CTNND2: variants seen among roughly 807,000 people sequenced by gnomAD.
CTNND2 encodes catenin delta-2.
A neutral mutation model predicts 144.4 loss-of-function variants in CTNND2; 22 were observed. The ratio of observed to expected loss-of-function variants is 0.15; its 90% CI spans 0.11 to 0.22. CTNND2 has a LOEUF of 0.22. CTNND2 is among the 10% of genes least tolerant of loss of function. The pLI, the probability that CTNND2 is intolerant of heterozygous loss-of-function variation, is 1.00. For missense variants in CTNND2, 1,353 were observed against 1,618.8 expected (o/e 0.84, Z 2.82); for synonymous variants, 751 against 695.6 (o/e 1.08, Z -1.25).
intron 21 of CTNND2, among the ~76,000 whole-genome samples, chr5:10,978,497 G>GC (rs1408162252): frequency 7.5e-6 from 1 of 133,836 alleles, no homozygotes; most frequent in Non-Finnish European, 1.6e-5. Context: ...ATACTTTTTG[G>GC]GGAGGGGGGG....
chr5:11,197,190 C>A (rs1314065496), intron 11 of CTNND2, among the ~76,000 whole-genome samples: 1 of 152,190 alleles, frequency 6.6e-6, no homozygotes, highest in Non-Finnish European at 1.5e-5. Context: ...TCCATGATGG[C>A]AACTTCAGAA....
At chr5:11,653,561 T>C (rs1223741565) in intron 2 of CTNND2, among the ~76,000 whole-genome samples, 1 of 152,168 alleles carries the variant, frequency 6.6e-6, no homozygotes, top group Non-Finnish European at 1.5e-5. Flanking sequence ...GCAGTTACTT[T>C]GGTCATTTTT....
intron 11 of CTNND2, among the ~76,000 whole-genome samples, chr5:11,178,716 G>A (rs1437010180): frequency 6.6e-6 from 1 of 152,140 alleles, no homozygotes; most frequent in African/African-American, 2.4e-5. Context: ...GAAATTTATG[G>A]TATATAAATG....
At chr5:11,165,064 TGTAA>T (rs1276887589) in intron 11 of CTNND2, among the ~76,000 whole-genome samples, 1 of 152,226 alleles carries the variant, frequency 6.6e-6, no homozygotes, top group Non-Finnish European at 1.5e-5. Flanking sequence ...TCGAAACTTC[TGTAA>T]GTATTATAGC....
intron 6 of CTNND2, among the ~76,000 whole-genome samples, chr5:11,389,991 T>G (rs1430153715): frequency 6.6e-6 from 1 of 152,220 alleles, no homozygotes; most frequent in African/African-American, 2.4e-5. Context: ...GAAATCTCAT[T>G]ATGGATACGC....
At chr5:11,012,846 G>T (rs1181888369) in intron 18 of CTNND2, among the ~76,000 whole-genome samples, 2 of 152,180 alleles carry the variant, frequency 1.3e-5, no homozygotes, top group African/African-American at 2.4e-5. Context: ...CTTCAAACAA[G>T]CTTGGAGGAA....
intron 1 of CTNND2, among the ~76,000 whole-genome samples, chr5:11,766,567 C>T (rs144884654): frequency 2.0e-5 from 3 of 152,344 alleles, no homozygotes; most frequent in African/African-American, 7.2e-5. Flanking sequence ...GCTTCCCCGG[C>T]CACATAGAAC....
chr5:11,236,659 A>C, intron 10 of CTNND2, 32 bp downstream of exon 10: 1 of 1,611,642 alleles, frequency 6.2e-7, no homozygotes, highest in Non-Finnish European at 8.5e-7. Context: ...TGAATCTGAC[A>C]CCAATCATTT....
intron 1 of CTNND2, among the ~76,000 whole-genome samples, chr5:11,879,616 T>C (rs1287992836): frequency 6.6e-6 from 1 of 152,056 alleles, no homozygotes; most frequent in Non-Finnish European, 1.5e-5. Context: ...GCTTTTGACA[T>C]TCTTTTTCTC....
At chr5:11,057,712 T>C (rs1031005410) in intron 16 of CTNND2, among the ~76,000 whole-genome samples, 1 of 152,008 alleles carries the variant, frequency 6.6e-6, no homozygotes, top group African/African-American at 2.4e-5. Flanking sequence ...CAAGTAGAGG[T>C]TGGAACAATT....
intron 3 of CTNND2, among the ~76,000 whole-genome samples, chr5:11,516,362 A>T (rs1177629828): frequency 1.3e-5 from 2 of 151,916 alleles, no homozygotes; most frequent in Non-Finnish European, 2.9e-5. Flanking sequence ...TAAATAAATA[A>T]AAATAAAAGG....
At chr5:11,721,121 T>C (rs917395146) in intron 2 of CTNND2, among the ~76,000 whole-genome samples, 1 of 152,314 alleles carries the variant, frequency 6.6e-6, no homozygotes, top group Non-Finnish European at 1.5e-5. Flanking sequence ...TACAGTGGAA[T>C]ATTATTTGGC....
chr5:11,639,358 C>T (rs748391662), intron 2 of CTNND2, among the ~76,000 whole-genome samples: 1 of 152,128 alleles, frequency 6.6e-6, no homozygotes, highest in East Asian at 1.9e-4. Flanking sequence ...TCGGAACCCA[C>T]CACAGACCTA....
intron 3 of CTNND2, among the ~76,000 whole-genome samples, chr5:11,472,442 T>G (rs1767318698): frequency 6.6e-6 from 1 of 152,198 alleles, no homozygotes; most frequent in Non-Finnish European, 1.5e-5. Context: ...AACTTCAGAT[T>G]AATTTTCTTC....
chr5:11,879,284 C>A (rs1439407743), intron 1 of CTNND2, among the ~76,000 whole-genome samples: 1 of 139,844 alleles, frequency 7.2e-6, no homozygotes, highest in Non-Finnish European at 1.6e-5. Context: ...TTCACTGTTT[C>A]TACCAAAATG....
At chr5:11,679,624 C>T (rs1364302328) in intron 2 of CTNND2, among the ~76,000 whole-genome samples, 1 of 152,176 alleles carries the variant, frequency 6.6e-6, no homozygotes, top group Non-Finnish European at 1.5e-5. Context: ...ATCAAGTGGG[C>T]TCATTTGGTG....
intron 9 of CTNND2, among the ~76,000 whole-genome samples, chr5:11,316,486 A>C (rs1345896777): frequency 6.8e-6 from 1 of 147,712 alleles, no homozygotes; most frequent in South Asian, 2.1e-4. Flanking sequence ...TATTATTATT[A>C]TTATTATTAT....
chr5:11,143,136 C>T (rs1756911723), intron 12 of CTNND2, among the ~76,000 whole-genome samples: 1 of 152,116 alleles, frequency 6.6e-6, no homozygotes. Flanking sequence ...GTGTAAAGCA[C>T]CTAATGTCAT....
chr5:10,981,679 A>G, intron 21 of CTNND2, 94 bp downstream of exon 21: 7 of 1,228,104 alleles, frequency 5.7e-6, no homozygotes, highest in Non-Finnish European at 7.1e-6. Context: ...TCAGTTCTTT[A>G]TGTATGTTGG....
Sources: gnomAD v4.1 joint callset for allele counts (sites outside exome capture counted in the v4.1 genomes callset) on GRCh38, gnomAD v4.1.1 for gene constraint, MANE v1.5 for transcripts, NCBI Gene and HGNC (gene_info 2026-07-23, HGNC 2026-07-21) for gene names.